Variants in MCC observed in about 807,000 individuals in gnomAD.
The protein encoded by MCC is colorectal mutant cancer protein.
In MCC, 90 loss-of-function variants were observed where a neutral mutation model predicts 116.2. That is an observed-to-expected ratio of 0.77 (90% CI 0.65 to 0.92). MCC has a LOEUF of 0.92. Ranked by LOEUF, MCC falls within the 40% of genes least tolerant of loss-of-function variation. The pLI is 0.00. For synonymous variants in MCC, 578 were observed against 510.5 expected, an observed-to-expected ratio of 1.13 and a Z score of -1.78; for missense variants, 1,516 against 1,312.2, an observed-to-expected ratio of 1.16 and a Z score of -2.40.
At chr5:113,473,783 T>C (rs1053416087) in intron 1 of MCC, among the ~76,000 whole-genome samples, 1 of 152,164 alleles carries the variant, frequency 6.6e-6, no homozygotes, top group Non-Finnish European at 1.5e-5. Context: ...TTTATCAGGG[T>C]TAGTTCATAA....
chr5:113,383,579 G>T (rs1769176999), intron 2 of MCC, among the ~76,000 whole-genome samples: 1 of 151,928 alleles, frequency 6.6e-6, no homozygotes, highest in East Asian at 1.9e-4. Context: ...TCAAACGTAG[G>T]CAGTAGTTAT....
At chr5:113,270,372 G>A (rs1004053808) in intron 3 of MCC, among the ~76,000 whole-genome samples, 15 of 151,946 alleles carry the variant, frequency 9.9e-5, no homozygotes, top group African/African-American at 3.6e-4. Flanking sequence ...TGCTGACTTC[G>A]GTGGCTGGAC....
chr5:113,188,081 A>T (rs1761990049), intron 3 of MCC, among the ~76,000 whole-genome samples: 4 of 152,170 alleles, frequency 2.6e-5, no homozygotes, highest in Admixed American at 2.6e-4. Flanking sequence ...TGAAAAGGGG[A>T]TGTAAAAGAG....
chr5:113,047,278 G>A (rs1164478043), intron 16 of MCC, among the ~76,000 whole-genome samples: 1 of 152,186 alleles, frequency 6.6e-6, no homozygotes, highest in Non-Finnish European at 1.5e-5. Flanking sequence ...AGGACAGACT[G>A]CCTGTCTACC....
At chr5:113,272,638 C>G (rs1293237913) in intron 3 of MCC, among the ~76,000 whole-genome samples, 4 of 152,088 alleles carry the variant, frequency 2.6e-5, no homozygotes, top group Non-Finnish European at 5.9e-5. Context: ...CAACAGCTAA[C>G]CTAGAAACAG....
intron 15 of MCC, among the ~76,000 whole-genome samples, chr5:113,053,346 T>C (rs576940468): frequency 6.6e-6 from 1 of 152,236 alleles, no homozygotes; most frequent in African/African-American, 2.4e-5. Context: ...CCTCACCCTG[T>C]TCTCCCCCTG....
intron 11 of MCC, among the ~76,000 whole-genome samples, chr5:113,078,100 A>G (rs1754585601): frequency 6.6e-6 from 1 of 152,190 alleles, no homozygotes; most frequent in African/African-American, 2.4e-5. Flanking sequence ...CCAACACTAA[A>G]CCGGGAAGGA....
intron 1 of MCC, among the ~76,000 whole-genome samples, chr5:113,425,768 C>T (rs1770464819): frequency 6.6e-6 from 1 of 151,588 alleles, no homozygotes; most frequent in Non-Finnish European, 1.5e-5. Context: ...GGTGGACAGA[C>T]GAGTGTTGTT....
intron 3 of MCC, among the ~76,000 whole-genome samples, chr5:113,260,783 A>G (rs1187458665): frequency 4.0e-5 from 6 of 151,862 alleles, no homozygotes; most frequent in South Asian, 2.1e-4. Context: ...CATTATTAAT[A>G]TTACTATCAA....
intron 12 of MCC, among the ~76,000 whole-genome samples, chr5:113,069,694 G>A (rs1016862916): frequency 6.6e-6 from 1 of 152,048 alleles, no homozygotes; most frequent in South Asian, 2.1e-4. Context: ...TCAGCCTCCC[G>A]CCTCAGCCTC....
chr5:113,387,643 A>G (rs1174196657), intron 1 of MCC, among the ~76,000 whole-genome samples: 1 of 152,184 alleles, frequency 6.6e-6, no homozygotes, highest in East Asian at 1.9e-4. Context: ...AATATGGTGT[A>G]TTCATTTTTC....
intron 1 of MCC, among the ~76,000 whole-genome samples, chr5:113,419,499 G>T (rs548865080): frequency 6.6e-5 from 10 of 151,842 alleles, no homozygotes; most frequent in African/African-American, 1.9e-4. Flanking sequence ...ACCCCGTTGT[G>T]ATAGGAACAG....
chr5:113,288,303 T>C (rs556766688), intron 3 of MCC, among the ~76,000 whole-genome samples: 3 of 152,368 alleles, frequency 2.0e-5, no homozygotes, highest in Non-Finnish European at 4.4e-5. Context: ...GGGAAAGCCC[T>C]AATTCTTAAG....
chr5:113,067,156 A>G (rs1025675216), intron 13 of MCC, among the ~76,000 whole-genome samples: 1 of 152,134 alleles, frequency 6.6e-6, no homozygotes. Flanking sequence ...AAATTGAGGG[A>G]CAGAAGTGAG....
chr5:113,045,673 C>G (rs4428399), intron 16 of MCC, among the ~76,000 whole-genome samples: 2 of 151,674 alleles, frequency 1.3e-5, no homozygotes, highest in Non-Finnish European at 2.9e-5. Context: ...GTGGCGCACA[C>G]CTGTAGTCCC....
intron 17 of MCC, among the ~76,000 whole-genome samples, chr5:113,034,456 C>T (rs1751184075): frequency 6.6e-6 from 1 of 152,144 alleles, no homozygotes; most frequent in Admixed American, 6.5e-5. Flanking sequence ...CAGCGGTACT[C>T]TGTGATTAGA....
At chr5:113,484,941 T>G (rs561885203) in intron 1 of MCC, among the ~76,000 whole-genome samples, 2 of 152,306 alleles carry the variant, frequency 1.3e-5, no homozygotes, top group East Asian at 3.9e-4. Context: ...CTTACGGTGG[T>G]CTCACTCTGC....
chr5:113,099,141 T>C (rs1450299967), intron 8 of MCC, among the ~76,000 whole-genome samples: 1 of 152,150 alleles, frequency 6.6e-6, no homozygotes. Context: ...CATCTTGAAA[T>C]AAAAAGCAAT....
intron 3 of MCC, among the ~76,000 whole-genome samples, chr5:113,192,624 T>A (rs1422244307): frequency 6.6e-6 from 1 of 152,216 alleles, no homozygotes; most frequent in Non-Finnish European, 1.5e-5. Context: ...GCTTCACAGT[T>A]CGCTTATTAT....
Sources: gnomAD v4.1 joint callset for allele counts (sites outside exome capture counted in the v4.1 genomes callset) on GRCh38, gnomAD v4.1.1 for gene constraint, MANE v1.5 for transcripts, NCBI Gene and HGNC (gene_info 2026-07-23, HGNC 2026-07-21) for gene names.